UACA: variants seen among roughly 807,000 people sequenced by gnomAD.
UACA encodes the protein uveal autoantigen with coiled-coil domains and ankyrin repeats, also known as nuclear membrane binding protein.
A neutral mutation model predicts 160.5 loss-of-function variants in UACA; 112 were observed. That is an observed-to-expected ratio of 0.70 (90% CI 0.60 to 0.82). UACA has a LOEUF of 0.82. Among genes scored for constraint, UACA ranks in the 40% least tolerant of loss-of-function variants. The probability of loss-of-function intolerance (pLI) is 0.00; values close to 1 mark genes in which losing one functional copy is unlikely to be tolerated. For missense variants in UACA, 1,574 were observed against 1,614.6 expected (o/e 0.97, Z 0.43); for synonymous variants, 557 against 568.4 (o/e 0.98, Z 0.29).
chr15:70,771,420 C>T, the UACA span, among the ~76,000 whole-genome samples: 8 of 152,234 alleles, frequency 5.3e-5, no homozygotes, highest in Non-Finnish European at 7.3e-5. Context: ...CAATAAATTT[C>T]TCATAAGAGT....
Position 70,684,452 on chromosome 15 carries a change from T to C in UACA, c.603-6A>G, listed in dbSNP as rs1897635373. On this transcript the variant is annotated splice_region_variant and splice_polypyrimidine_tract_variant and intron_variant, in intron 7 of 18. Transcript: ENST00000322954. ...AACCTAGCATGAGGGCAGTTCTAAA[T>C]GGAAAAATGGAAGAGCAAAAGACTG... 6.3e-7 allele frequency: 1 copy of C among 1,591,834 alleles called. No individual in the cohort carries two copies. The highest frequency in any genetic ancestry group is 8.5e-7 in the Non-Finnish European group (1 of 1,172,782).
chr15:70,747,892 C>T (rs1899760234), intron 1 of UACA, among the ~76,000 whole-genome samples: 1 of 152,092 alleles, frequency 6.6e-6, no homozygotes, highest in Non-Finnish European at 1.5e-5. Context: ...CAGAGAAACA[C>T]TAATCCTATC....
At chr15:70,705,684 T>TA (rs1898505490) in intron 1 of UACA, among the ~76,000 whole-genome samples, 1 of 152,100 alleles carries the variant, frequency 6.6e-6, no homozygotes, top group Non-Finnish European at 1.5e-5. Flanking sequence ...TACCATCGAG[T>TA]AAACCATGGT....
intron 1 of UACA, among the ~76,000 whole-genome samples, chr15:70,700,239 C>CG (rs910005066): frequency 1.3e-5 from 2 of 148,924 alleles, no homozygotes; most frequent in Non-Finnish European, 3.0e-5. Context: ...AGAAACTACC[C>CG]CCCCCCAACA....
At chr15:70,774,188 ATAC>A in the UACA span, among the ~76,000 whole-genome samples, 2 of 152,326 alleles carry the variant, frequency 1.3e-5, no homozygotes, top group South Asian at 2.1e-4. Flanking sequence ...TGAGCAATAT[ATAC>A]TACTATTATC....
rs1229531038 is a variant in UACA at position 70,763,473 on chromosome 15, G to A, written c.-66C>T. On this transcript the variant is annotated 5_prime_UTR_variant, in exon 1 of 19. Coordinates refer to ENST00000322954, the MANE Select transcript of UACA (RefSeq NM_018003.4). The stretch of plus-strand genomic sequence containing the variant: ...GCGGAGTGCCAGCGCGCAAGGAGTA[G>A]ACGGCAGCGGCTGCAGCAGAGGCGG... The A allele has an allele frequency of 1.6e-6, 2 of 1,265,626 alleles. No individual in the cohort carries two copies. Among genetic ancestry groups the A allele is most frequent in the African/African-American group, 1.6e-5 (1 of 64,472 alleles). The allele number at this position is 1,265,626 out of a possible 1,614,324, so 78.4% of individuals were successfully genotyped here.
At chr15:70,739,801 T>C (rs1231111462) in intron 1 of UACA, among the ~76,000 whole-genome samples, 3 of 152,170 alleles carry the variant, frequency 2.0e-5, no homozygotes, top group Non-Finnish European at 4.4e-5. Context: ...AGCCCCAGAT[T>C]GCAATAAACA....
chr15:70,775,422 G>A, the UACA span, among the ~76,000 whole-genome samples: 1 of 152,098 alleles, frequency 6.6e-6, no homozygotes, highest in Non-Finnish European at 1.5e-5. Context: ...GTTCCCTTGG[G>A]TATGTCTAGC....
At position 70,669,329 on chromosome 15, in the gene UACA, A is replaced by G. The variant is rs1322532596; in HGVS notation, c.1355T>C (p.Phe452Ser). 3.7e-6 allele frequency: 6 copies of G among 1,613,966 alleles called. No individual in the cohort carries two copies. Among genetic ancestry groups the G allele is most frequent in the Non-Finnish European group, 5.1e-6 (6 of 1,180,000 alleles). ...TCGGTCTTGTTTTGCTGACTCACAG[A>G]AAGTTCGCATTGCTTCTAACTCTTT... ...LKKELEAMRT[F>S]CESAKQDRLK... The change falls in exon 16 of 19, where the codon TTC becomes TCC. Residue 452 changes from phenylalanine (F) to serine (S), a missense_variant. Phe to Ser is a radical substitution (Grantham distance 155). Coordinates refer to ENST00000322954, the MANE Select transcript of UACA (RefSeq NM_018003.4).
chr15:70,730,012 CA>C (rs1899274708), intron 1 of UACA, among the ~76,000 whole-genome samples: 1 of 76,536 alleles, frequency 1.3e-5, no homozygotes, highest in African/African-American at 7.3e-5. Flanking sequence ...CATCAAAGAC[CA>C]AAAGTAGATA....
At position 70,663,459 on chromosome 15, in the gene UACA, C is replaced by T. The variant is rs566763036; in HGVS notation, c.4113+1203G>A. 6.6e-5 allele frequency among the ~76,000 whole-genome samples: 10 copies of T among 152,282 alleles called. No homozygotes were observed. In the South Asian group the frequency reaches 2.1e-3, roughly 32 times the overall value. On this transcript the variant is annotated intron_variant, in intron 17 of 18. Transcript: ENST00000322954. ...TGTGGAAGTCAGTGTGGCGATTCCT[C>T]AGGGATCTCAAAGTAGAAATACCAT...
At chr15:70,695,210 A>C in intron 2 of UACA, 105 bp from the exon 3 acceptor site, 1 of 682,652 alleles carries the variant, frequency 1.5e-6, no homozygotes, top group Non-Finnish European at 2.4e-6. Flanking sequence ...GCACACAAAC[A>C]CACACACATT....
At chr15:70,738,796 A>T (rs1899444705) in intron 1 of UACA, among the ~76,000 whole-genome samples, 1 of 152,206 alleles carries the variant, frequency 6.6e-6, no homozygotes, top group South Asian at 2.1e-4. Context: ...GCTACAATTT[A>T]TTATTACTTA....
chr15:70,708,806 T>C (rs1163008494), intron 1 of UACA, among the ~76,000 whole-genome samples: 1 of 152,094 alleles, frequency 6.6e-6, no homozygotes, highest in Non-Finnish European at 1.5e-5. Flanking sequence ...AAATATTAAT[T>C]TTTTTAAATC....
intron 1 of UACA, among the ~76,000 whole-genome samples, chr15:70,719,085 GAAGA>G (rs1170622488): frequency 6.6e-6 from 1 of 151,236 alleles, no homozygotes; most frequent in Non-Finnish European, 1.5e-5. Context: ...AGGGAGGAAG[GAAGA>G]AAGAGAAAGA....
At chr15:70,686,645 G>A (rs1897734842) in intron 7 of UACA, among the ~76,000 whole-genome samples, 1 of 151,876 alleles carries the variant, frequency 6.6e-6, no homozygotes, top group South Asian at 2.1e-4. Context: ...GATGCATAAA[G>A]AAAACAATTA....
rs112780181 is a variant in UACA at position 70,679,731 on chromosome 15, A to G, written c.823-55T>C. 3,906 of 1,214,700 alleles carry G rather than the reference A, an allele frequency of 3.2e-3. 98 individuals are homozygous for G. The African/African-American group carries it at 0.053, about 17-fold the overall frequency. The allele number at this position is 1,214,700 out of a possible 1,614,324, so 75.2% of individuals were successfully genotyped here. A position where few individuals can be genotyped will look rare whatever the true frequency, so the allele number is the denominator to read the frequency against. ...AGCAAGTGTAAGAATACAGAAAAGT[A>G]TATTTTCCTCAATTGGCAATACACC... On this transcript the variant is annotated intron_variant, in intron 9 of 18. Coordinates refer to ENST00000322954, the MANE Select transcript of UACA (RefSeq NM_018003.4).
At chr15:70,727,379 A>C (rs1899181099) in intron 1 of UACA, among the ~76,000 whole-genome samples, 1 of 152,214 alleles carries the variant, frequency 6.6e-6, no homozygotes, top group Admixed American at 6.5e-5. Flanking sequence ...ATTAAATTAA[A>C]AATTGCTGTA....
chr15:70,671,353 A>C (rs1897134196), intron 14 of UACA: 2 of 261,438 alleles, frequency 7.6e-6, no homozygotes, highest in Admixed American at 1.0e-4. Context: ...AGAATCACTA[A>C]AACTTCAGAA....
Sources: gnomAD v4.1 joint callset for allele counts (sites outside exome capture counted in the v4.1 genomes callset) on GRCh38, gnomAD v4.1.1 for gene constraint, MANE v1.5 for transcripts, NCBI Gene and HGNC (gene_info 2026-07-23, HGNC 2026-07-21) for gene names.